The following BEST1 variants were observed in gnomAD, a reference collection of about 807,000 sequenced individuals.
The protein encoded by BEST1 is bestrophin-1.
BEST1 carries 58 observed loss-of-function variants against 63.3 expected under a neutral mutation model. The observed-to-expected ratio is 0.92, with a 90% CI of 0.74 to 1.14. BEST1 has a LOEUF of 1.14. Among genes scored for constraint, BEST1 ranks in the 50% most tolerant of loss-of-function variants. The pLI is 0.00. For missense variants in BEST1, 671 were observed against 740.1 expected (o/e 0.91, Z 1.08); for synonymous variants, 283 against 291.6 (o/e 0.97, Z 0.30).
At chr11:61,962,039 G>C in intron 9 of BEST1, 1 of 602,784 alleles carries the variant, frequency 1.7e-6, no homozygotes, top group Non-Finnish European at 2.9e-6. Context: ...CTGGTCAAGA[G>C]GGAATCAACA....
chr11:61,965,051 T>A (rs1942419075), downstream of BEST1: 7 of 1,612,458 alleles, frequency 4.3e-6, no homozygotes, highest in Non-Finnish European at 5.9e-6. Context: ...CACATTTTTT[T>A]CCAAATGTAA....
At chr11:61,951,652 C>T in intron 1 of BEST1, 119 bp from the exon 2 acceptor site, 1 of 1,016,596 alleles carries the variant, frequency 9.8e-7, no homozygotes, top group South Asian at 1.5e-5. Context: ...GAGACCACTT[C>T]ATCCACCTCC....
At chr11:61,965,402 T>C (rs764824032), downstream of BEST1, 3 of 1,613,730 alleles carry the variant, frequency 1.9e-6, no homozygotes, top group South Asian at 1.1e-5. Flanking sequence ...GGCCACCTCG[T>C]TGGTTCTGCA....
rs942961606 is a variant in BEST1, at chr11:61,963,918, A to T, written c.1740-186A>T. Reference sequence around the variant, plus strand: ...AGGAGGTTGAGGGGAGAATTGCTTGAACCCAGGAGGTGGTGGTTGCAGTGA... The same window carrying T: ...AGGAGGTTGAGGGGAGAATTGCTTGTACCCAGGAGGTGGTGGTTGCAGTGA... On this transcript the variant is annotated intron_variant, in intron 10 of 10. Transcript: ENST00000378043. The T allele has an allele frequency of 2.8e-6, 4 of 1,405,370 alleles. No individual in the cohort carries two copies. In the Admixed American group the frequency reaches 9.9e-5, roughly 35 times the overall value. The allele number at this position is 1,405,370 out of a possible 1,614,324, so 87.1% of individuals were successfully genotyped here. A position where few individuals can be genotyped will look rare whatever the true frequency, so the allele number is the denominator to read the frequency against.
At chr11:61,953,648 T>G (rs1417095543) in intron 2 of BEST1, among the ~76,000 whole-genome samples, 1 of 152,118 alleles carries the variant, frequency 6.6e-6, no homozygotes, top group East Asian at 1.9e-4. Flanking sequence ...AGGCAGAGGT[T>G]GCAGTGAGCC....
chr11:61,962,038 A>AG (rs750954557), intron 9 of BEST1: 20 of 601,226 alleles, frequency 3.3e-5, no homozygotes, highest in Non-Finnish European at 5.6e-5. Flanking sequence ...TCTGGTCAAG[A>AG]GGGAATCAAC....
chr11:61,962,805 C>T lies in BEST1; in HGVS notation c.1651C>T (p.His551Tyr). 1.9e-6 allele frequency: 3 copies of T among 1,614,206 alleles called. No individual in the cohort carries two copies. Among genetic ancestry groups the T allele is most frequent in the East Asian group, 2.2e-5 (1 of 44,892 alleles). ...GGATATGCCAGAGATCCCCGAAAAT[C>T]ACCTCAAAGAACCTTTGGAACAATC... ...LTDMPEIPEN[H>Y]LKEPLEQSPT... The change falls in exon 10 of 11, where the codon CAC becomes TAC. Residue 551 changes from histidine (H) to tyrosine (Y), a missense_variant. By Grantham distance (83) the His-to-Tyr change is moderately conservative. Transcript: ENST00000378043.
In BEST1 at chr11:61,962,312, C is replaced by T. The variant is rs780666113; in HGVS notation, c.1158C>T (p.His386=). The part of the protein sequence containing the change: ...QPNQEDEEDA[H]AGIIGRFLGL... The stretch of plus-strand genomic sequence containing the variant: ...ATCAGGAGGACGAGGAGGATGCTCA[C>T]GCTGGCATCATTGGCCGCTTCCTAG... Residue 386 remains histidine, a synonymous_variant, in exon 10 of 11, where the codon CAC becomes CAT. Transcript: ENST00000378043. 1.9e-5 allele frequency: 30 copies of T among 1,614,078 alleles called. No homozygotes were observed. In the Middle Eastern group the frequency reaches 4.9e-4, roughly 27 times the overall value.
chr11:61,955,087 A>ACCCCCCCC lies in BEST1; in HGVS notation c.153-15_153-14insCCCCCCCC. The ACCCCCCCC allele has an allele frequency of 7.7e-6, 8 of 1,042,144 alleles. No homozygotes were observed. The highest frequency in any genetic ancestry group is 5.1e-5 in the Admixed American group (3 of 58,282). The allele number at this position is 1,042,144 out of a possible 1,614,324, so 64.6% of individuals were successfully genotyped here. A position where few individuals can be genotyped will look rare whatever the true frequency, so the allele number is the denominator to read the frequency against. ...CTCCTCGCTGCGTCCACACAATTCC[A>ACCCCCCCC]CCCCCACCCCCACCCCCAGGCTGGC... is the stretch of plus-strand genomic sequence containing the variant. On this transcript the variant is annotated intron_variant, in intron 2 of 10. Transcript: ENST00000378043.
At chr11:61,955,992 C>T (rs1410388505) in intron 4 of BEST1, 41 bp downstream of exon 4, 1 of 1,524,986 alleles carries the variant, frequency 6.6e-7, no homozygotes, top group Admixed American at 2.0e-5. Context: ...CGGGCAGAGC[C>T]AGGGGCCGAG....
At chr11:61,959,180 G>A in intron 7 of BEST1, 1 of 424,282 alleles carries the variant, frequency 2.4e-6, no homozygotes, top group Non-Finnish European at 4.4e-6. Context: ...TCTGTTGCAT[G>A]AATGAATAAA....
intron 3 of BEST1, 140 bp from the exon 4 acceptor site, chr11:61,955,578 C>A: frequency 9.2e-7 from 1 of 1,084,384 alleles, no homozygotes; most frequent in Non-Finnish European, 1.3e-6. Flanking sequence ...CTCTCGCTCC[C>A]GAGCGCCTTC....
At chr11:61,956,714 C>T in intron 4 of BEST1, 130 bp from the exon 5 acceptor site, 1 of 1,129,548 alleles carries the variant, frequency 8.9e-7, no homozygotes, top group Non-Finnish European at 1.3e-6. Context: ...CTAGTAGGTG[C>T]TCAGAAATTT....
At chr11:61,952,042 G>T (rs2134410876) in intron 2 of BEST1, 84 bp downstream of exon 2, 2 of 1,508,722 alleles carry the variant, frequency 1.3e-6, no homozygotes. Flanking sequence ...AGCCAGCTCA[G>T]GGGCCAGTGT....
intron 2 of BEST1, chr11:61,954,787 C>A: frequency 2.0e-6 from 2 of 985,172 alleles, no homozygotes; most frequent in South Asian, 9.4e-5. Context: ...AACAACTGAC[C>A]CTTGGCTGCA....
In BEST1 at chr11:61,956,843, G is replaced by A. The variant is rs1425200966; in HGVS notation, c.482-1G>A. The A allele has an allele frequency of 1.2e-6, 2 of 1,614,102 alleles. No homozygotes were observed. Among genetic ancestry groups the A allele is most frequent in the Non-Finnish European group, 1.7e-6 (2 of 1,180,018 alleles). On this transcript the variant is annotated splice_acceptor_variant, in intron 4 of 10. Coordinates refer to ENST00000378043, the MANE Select transcript of BEST1 (RefSeq NM_004183.4). LOFTEE classifies it high-confidence loss of function. ...ACCGCCTTCTTCACTCCACTCTGCA[G>A]GCTTTATGACTCCGGCAGAACACAA...
At chr11:61,958,046 A>G in intron 6 of BEST1, 100 bp from the exon 7 acceptor site, 1 of 1,591,230 alleles carries the variant, frequency 6.3e-7, no homozygotes, top group Non-Finnish European at 8.6e-7. Flanking sequence ...AAGTCAGAAC[A>G]AGGCCTTGGT....
Position 61,962,805 on chromosome 11 carries a change from C to G in BEST1, c.1651C>G (p.His551Asp). The G allele has an allele frequency of 6.2e-7, 1 of 1,614,206 alleles. No homozygotes were observed. The highest frequency in any genetic ancestry group is 8.5e-7 in the Non-Finnish European group (1 of 1,180,046). The change falls in exon 10 of 11, where the codon CAC becomes GAC. Residue 551 changes from histidine (H) to aspartate (D), a missense_variant. Coordinates refer to ENST00000378043, the MANE Select transcript of BEST1 (RefSeq NM_004183.4). Reference sequence around the variant, plus strand: ...GGATATGCCAGAGATCCCCGAAAATCACCTCAAAGAACCTTTGGAACAATC... The same window carrying G: ...GGATATGCCAGAGATCCCCGAAAATGACCTCAAAGAACCTTTGGAACAATC... Reference protein sequence around the residue: ...LTDMPEIPENHLKEPLEQSPT... With the variant: ...LTDMPEIPENDLKEPLEQSPT...
At position 61,964,107 on chromosome 11, in the gene BEST1, T is replaced by C; in HGVS notation, c.1743T>C (p.Asp581=). ...MDPYWALENR[D]EAHS is the part of the protein sequence containing the mutation. ...TTAATACTTTCATTCTCACTAGGGA[T>C]GAAGCACATTCCTAACCTGCTTCCT... is the stretch of plus-strand genomic sequence containing the variant. Residue 581 remains aspartate, a synonymous_variant, in exon 11 of 11, where the codon GAT becomes GAC. Coordinates refer to ENST00000378043, the MANE Select transcript of BEST1 (RefSeq NM_004183.4). 5.0e-6 allele frequency: 8 copies of C among 1,614,052 alleles called. No individual in the cohort carries two copies. Among genetic ancestry groups the C allele is most frequent in the Non-Finnish European group, 6.8e-6 (8 of 1,180,026 alleles).
Sources: gnomAD v4.1 joint callset for allele counts (sites outside exome capture counted in the v4.1 genomes callset) on GRCh38, gnomAD v4.1.1 for gene constraint, MANE v1.5 for transcripts, NCBI Gene and HGNC (gene_info 2026-07-23, HGNC 2026-07-21) for gene names.